PRKN: variants seen among roughly 807,000 people sequenced by gnomAD.
PRKN encodes the protein E3 ubiquitin-protein ligase parkin.
A neutral mutation model predicts 59.5 loss-of-function variants in PRKN; 56 were observed. That is an observed-to-expected ratio of 0.94 (90% CI 0.76 to 1.18). PRKN has a LOEUF of 1.18. Ranked by LOEUF, PRKN falls within the 50% of genes most tolerant of loss-of-function variation. The pLI is 0.00. For missense variants in PRKN, 657 were observed against 596.4 expected (o/e 1.10, Z -1.06); for synonymous variants, 250 against 222.1 (o/e 1.13, Z -1.12).
intron 6 of PRKN, among the ~76,000 whole-genome samples, chr6:161,851,222 T>TTCTC (rs1324492599): frequency 6.6e-6 from 1 of 151,558 alleles, no homozygotes; most frequent in East Asian, 1.9e-4. Flanking sequence ...CTCTTTCTCT[T>TTCTC]TCTCTCTCTC....
intron 1 of PRKN, among the ~76,000 whole-genome samples, chr6:162,465,539 C>T (rs73783598): frequency 0.099 from 15,108 of 152,166 alleles, 896 homozygotes; most frequent in Non-Finnish European, 0.13. Context: ...GCAGATTAAA[C>T]AAATGATCTA....
At chr6:161,368,272 T>C (rs1469912495) in intron 10 of PRKN, among the ~76,000 whole-genome samples, 4 of 145,574 alleles carry the variant, frequency 2.7e-5, no homozygotes, top group Middle Eastern at 7.2e-3. Flanking sequence ...ATAATATTTA[T>C]ATATATGTAT....
intron 6 of PRKN, among the ~76,000 whole-genome samples, chr6:161,927,655 T>C (rs1449701038): frequency 6.6e-6 from 1 of 152,178 alleles, no homozygotes; most frequent in Non-Finnish European, 1.5e-5. Flanking sequence ...TGAGAGTAGT[T>C]AGAATTTTTT....
rs115174830 is a variant in PRKN at position 162,056,150 on chromosome 6, C to T, written c.535-1976G>A. Among the ~76,000 whole-genome samples, 11,059 of 150,876 alleles carry T rather than the reference C, an allele frequency of 0.073. 525 individuals are homozygous for T. Among genetic ancestry groups the T allele is most frequent in the Admixed American group, 0.13 (1,894 of 15,116 alleles). On this transcript the variant is annotated intron_variant, in intron 4 of 11. Coordinates refer to ENST00000366898, the MANE Select transcript of PRKN (RefSeq NM_004562.3). The surrounding 1 kb of genome is among the most constrained non-coding windows in gnomAD (Gnocchi z 4.9). ...CACGCACACCAAGACACACCACACACGCACGCACACCAAAACACACCACAC... is the reference window on the plus strand; with the variant it reads ...CACGCACACCAAGACACACCACACATGCACGCACACCAAAACACACCACAC...
chr6:161,349,782 C>A lies in PRKN; in HGVS notation c.*317G>T, dbSNP rs1013811412. On this transcript the variant is annotated 3_prime_UTR_variant, in exon 12 of 12. Coordinates refer to ENST00000366898, the MANE Select transcript of PRKN (RefSeq NM_004562.3). The surrounding 1 kb of genome is among the most constrained non-coding windows in gnomAD (Gnocchi z 5.5). ...CATGGATTGCACTTGAATCTGTGCT[C>A]TGGTATTTGTGTCATCCGGAGGCTG... is the stretch of plus-strand genomic sequence containing the variant. 4.6e-5 allele frequency: 22 copies of A among 482,686 alleles called. No homozygotes were observed. In the Middle Eastern group the frequency reaches 2.3e-3, roughly 51 times the overall value. The allele number at this position is 482,686 out of a possible 1,614,324, so 29.9% of individuals were successfully genotyped here.
At chr6:161,882,607 GGA>G (rs78713403) in intron 6 of PRKN, among the ~76,000 whole-genome samples, 11,317 of 152,218 alleles carry the variant, frequency 0.074, 526 homozygotes, top group South Asian at 0.1. Flanking sequence ...ACTTACTGTG[GGA>G]GAGAGTACAG....
chr6:162,097,327 G>A (rs946787750), intron 4 of PRKN, among the ~76,000 whole-genome samples: 2 of 152,172 alleles, frequency 1.3e-5, no homozygotes, highest in South Asian at 4.1e-4. Flanking sequence ...TATGTGTCTT[G>A]TGTTCAAGCA....
At chr6:161,631,918 T>C (rs569144027) in intron 7 of PRKN, among the ~76,000 whole-genome samples, 13 of 152,200 alleles carry the variant, frequency 8.5e-5, no homozygotes, top group Non-Finnish European at 1.6e-4. Flanking sequence ...TTTAGGACTG[T>C]AGAAAGTATC....
At chr6:161,782,103 C>T (rs141246153) in intron 7 of PRKN, among the ~76,000 whole-genome samples, 2,639 of 152,150 alleles carry the variant, frequency 0.017, 70 homozygotes, top group African/African-American at 0.059. Context: ...TATGAAAATA[C>T]GGGTGCACAC....
intron 5 of PRKN, among the ~76,000 whole-genome samples, chr6:162,041,607 G>T (rs563569487): frequency 6.6e-6 from 1 of 152,090 alleles, no homozygotes; most frequent in South Asian, 2.1e-4. Context: ...TCCACCTGTC[G>T]TATCTGTGAC....
At chr6:162,430,828 G>C (rs1156297576) in intron 2 of PRKN, among the ~76,000 whole-genome samples, 1 of 152,080 alleles carries the variant, frequency 6.6e-6, no homozygotes, top group Non-Finnish European at 1.5e-5. Context: ...TGCTAAAATA[G>C]GAAGAGAAAT....
At chr6:162,495,728 A>G (rs1458901079) in intron 1 of PRKN, among the ~76,000 whole-genome samples, 2 of 152,096 alleles carry the variant, frequency 1.3e-5, no homozygotes, top group African/African-American at 4.8e-5. Flanking sequence ...AGTGTTGTTC[A>G]TCTTTCCCTG....
intron 6 of PRKN, among the ~76,000 whole-genome samples, chr6:161,819,071 C>A (rs1456576853): frequency 1.3e-5 from 2 of 152,128 alleles, no homozygotes; most frequent in African/African-American, 4.8e-5. Flanking sequence ...CATTATACTC[C>A]GAACTTAGGT....
chr6:161,801,033 C>A (rs746154282), intron 6 of PRKN, among the ~76,000 whole-genome samples: 2 of 152,172 alleles, frequency 1.3e-5, no homozygotes, highest in Admixed American at 6.5e-5. Context: ...GAATGCATGG[C>A]TCCCCCACCC....
chr6:162,697,161 T>C (rs866726978), intron 1 of PRKN, among the ~76,000 whole-genome samples: 1 of 152,136 alleles, frequency 6.6e-6, no homozygotes, highest in Admixed American at 6.6e-5. Context: ...ATAAGTAAAA[T>C]TGTTAAAGTT....
Position 161,473,857 on chromosome 6 carries a change from A to G in PRKN, c.1083+74997T>C, listed in dbSNP as rs938849436. Among the ~76,000 whole-genome samples, 2 of 152,142 alleles carry G rather than the reference A, an allele frequency of 1.3e-5. No homozygotes were observed. Among genetic ancestry groups the G allele is most frequent in the African/African-American group, 4.8e-5 (2 of 41,442 alleles). On this transcript the variant is annotated intron_variant, in intron 9 of 11. Coordinates refer to ENST00000366898, the MANE Select transcript of PRKN (RefSeq NM_004562.3). This position sits in a 1 kb window ranked among gnomAD's most constrained non-coding sequence, Gnocchi z 4.1. ...AACTATATATAATAGAAAAATAAGT[A>G]AATAAGAAAGGAGAGCAGGTGGAGT...
intron 3 of PRKN, among the ~76,000 whole-genome samples, chr6:162,260,875 A>G (rs1779860096): frequency 6.6e-6 from 1 of 152,210 alleles, no homozygotes; most frequent in South Asian, 2.1e-4. Flanking sequence ...CTCCTAACAT[A>G]ATAAATCCAA....
intron 4 of PRKN, among the ~76,000 whole-genome samples, chr6:162,076,420 T>C (rs1236124578): frequency 6.6e-6 from 1 of 152,198 alleles, no homozygotes; most frequent in Admixed American, 6.5e-5. Context: ...ATAGATGTTC[T>C]AGTCTATAAA....
chr6:162,204,766 G>A (rs1360574822), intron 3 of PRKN, among the ~76,000 whole-genome samples: 1 of 151,308 alleles, frequency 6.6e-6, no homozygotes, highest in Non-Finnish European at 1.5e-5. Flanking sequence ...CTGAGTTCAG[G>A]GCCCTTTTAA....
Sources: allele counts gnomAD v4.1 joint callset (sites outside exome capture counted in the v4.1 genomes callset), GRCh38; gene constraint gnomAD v4.1.1; non-coding constraint Gnocchi (gnomAD v3.1); transcripts MANE v1.5; gene names NCBI Gene and HGNC (gene_info 2026-07-23, HGNC 2026-07-21).